The following PRIM2 variants were observed in gnomAD, a reference collection of about 807,000 sequenced individuals.
PRIM2 encodes DNA primase large subunit.
PRIM2 carries 39 observed loss-of-function variants against 67.3 expected under a neutral mutation model. The ratio of observed to expected loss-of-function variants is 0.58; its 90% CI spans 0.45 to 0.76. The LOEUF (loss-of-function observed/expected upper bound fraction) is 0.76, where lower values mean the gene tolerates loss of function less well. PRIM2 is among the 30% of genes least tolerant of loss of function. PRIM2 has a pLI of 0.00. For synonymous variants in PRIM2, 143 were observed against 198.7 expected (o/e 0.72, Z 2.36); for missense variants, 398 against 598.7 (o/e 0.66, Z 3.50).
chr6:57,234,488 T>G, the PRIM2 span, among the ~76,000 whole-genome samples: 1 of 152,206 alleles, frequency 6.6e-6, no homozygotes, highest in Admixed American at 6.5e-5. Flanking sequence ...AATAATAATT[T>G]TAGTAACTTG....
At chr6:57,282,425 C>G in the PRIM2 span, among the ~76,000 whole-genome samples, 1 of 152,222 alleles carries the variant, frequency 6.6e-6, no homozygotes, top group South Asian at 2.1e-4. Flanking sequence ...CTAAATGGTT[C>G]TACCCAGTAA....
chr6:57,300,063 T>C, the PRIM2 span, among the ~76,000 whole-genome samples: 1 of 152,212 alleles, frequency 6.6e-6, no homozygotes, highest in African/African-American at 2.4e-5. Context: ...GTGTTTACTC[T>C]ATACATCTAT....
intron 7 of PRIM2, among the ~76,000 whole-genome samples, chr6:57,500,806 G>T (rs1436867410): frequency 6.6e-6 from 1 of 152,170 alleles, no homozygotes; most frequent in Non-Finnish European, 1.5e-5. Flanking sequence ...AAGCAGGGAG[G>T]TTTGGTCTCT....
chr6:57,273,311 A>G, the PRIM2 span, among the ~76,000 whole-genome samples: 1 of 152,146 alleles, frequency 6.6e-6, no homozygotes, highest in Non-Finnish European at 1.5e-5. Context: ...TATTTCTTGG[A>G]GGCTTTGTTC....
In PRIM2 at chr6:57,518,559, T is replaced by C. The variant is rs1554348509; in HGVS notation, c.761+11105T>C. Among the ~76,000 whole-genome samples, 5 of 152,166 alleles carry C rather than the reference T, an allele frequency of 3.3e-5. No individual in the cohort carries two copies. In the South Asian group the frequency reaches 6.3e-4, roughly 19 times the overall value. On this transcript the variant is annotated intron_variant, in intron 8 of 13. Transcript: ENST00000615550. ...CTCAGTAAACACTTGAATGAATGAA[T>C]AAATGAATGAATGGATGAGTGAATT...
chr6:57,477,193 A>G (rs1267310683), intron 7 of PRIM2, among the ~76,000 whole-genome samples: 3 of 151,210 alleles, frequency 2.0e-5, no homozygotes, highest in Admixed American at 1.3e-4. Context: ...AGAGTCTCCT[A>G]TGTTGCCCAG....
intron 7 of PRIM2, among the ~76,000 whole-genome samples, chr6:57,456,062 T>C (rs1411823883): frequency 6.6e-6 from 1 of 152,158 alleles, no homozygotes; most frequent in African/African-American, 2.4e-5. Context: ...TTTGGCTGGA[T>C]ATGAAATTCT....
intron 7 of PRIM2, among the ~76,000 whole-genome samples, chr6:57,443,500 A>G (rs907397190): frequency 1.3e-5 from 2 of 152,176 alleles, no homozygotes; most frequent in African/African-American, 4.8e-5. Context: ...CCTAATAATT[A>G]GTGAAGTTGA....
At chr6:57,223,778 C>A in the PRIM2 span, among the ~76,000 whole-genome samples, 1,275 of 152,228 alleles carry the variant, frequency 8.4e-3, 10 homozygotes, top group Non-Finnish European at 0.014. Flanking sequence ...CAACTTCACA[C>A]TCATTAAAAT....
intron 7 of PRIM2, among the ~76,000 whole-genome samples, chr6:57,409,364 G>A (rs6900478): frequency 1.3e-5 from 2 of 151,852 alleles, no homozygotes; most frequent in Admixed American, 6.6e-5. Context: ...TTTAGTAGAG[G>A]CAGGGTTTCA....
At chr6:57,231,467 T>G in the PRIM2 span, among the ~76,000 whole-genome samples, 1 of 152,190 alleles carries the variant, frequency 6.6e-6, no homozygotes, top group Admixed American at 6.5e-5. Flanking sequence ...AGGGCTAAAT[T>G]TCTTTAATAT....
At chr6:57,274,524 G>C in the PRIM2 span, among the ~76,000 whole-genome samples, 1 of 152,234 alleles carries the variant, frequency 6.6e-6, no homozygotes, top group Non-Finnish European at 1.5e-5. Flanking sequence ...GGTGCTGTCT[G>C]TCACCCCTTT....
intron 7 of PRIM2, among the ~76,000 whole-genome samples, chr6:57,447,434 G>A (rs1223931826): frequency 6.6e-6 from 1 of 152,200 alleles, no homozygotes; most frequent in Non-Finnish European, 1.5e-5. Flanking sequence ...CTGGTGCAAA[G>A]CTAAGAGATG....
chr6:57,437,622 C>T (rs1277260523), intron 7 of PRIM2, among the ~76,000 whole-genome samples: 1 of 148,592 alleles, frequency 6.7e-6, no homozygotes, highest in African/African-American at 2.5e-5. Flanking sequence ...GAGAGATTAT[C>T]TGTACATTAA....
intron 5 of PRIM2, among the ~76,000 whole-genome samples, chr6:57,374,088 A>G (rs1769662856): frequency 6.6e-6 from 1 of 151,418 alleles, no homozygotes; most frequent in Non-Finnish European, 1.5e-5. Flanking sequence ...AGCATGGAAT[A>G]TTTTTCCATT....
chr6:57,487,321 C>G (rs1773777478), intron 7 of PRIM2, among the ~76,000 whole-genome samples: 1 of 152,178 alleles, frequency 6.6e-6, no homozygotes, highest in African/African-American at 2.4e-5. Flanking sequence ...CCCGGGCCTC[C>G]CAGGTTCAAG....
intron 10 of PRIM2, among the ~76,000 whole-genome samples, chr6:57,572,022 A>G (rs1404736090): frequency 1.3e-5 from 2 of 152,144 alleles, no homozygotes; most frequent in African/African-American, 4.8e-5. Context: ...ATGTTTCTCT[A>G]TATCTGTTTT....
At chr6:57,245,060 C>T in the PRIM2 span, among the ~76,000 whole-genome samples, 1 of 152,130 alleles carries the variant, frequency 6.6e-6, no homozygotes, top group African/African-American at 2.4e-5. Context: ...CCACGAGTCC[C>T]AGCACTGCCC....
chr6:57,253,035 A>G, the PRIM2 span, among the ~76,000 whole-genome samples: 2 of 152,218 alleles, frequency 1.3e-5, no homozygotes, highest in South Asian at 2.1e-4. Flanking sequence ...CCATGTTTAC[A>G]TTCCTGTGAC....
Sources: gnomAD v4.1 joint callset for allele counts (sites outside exome capture counted in the v4.1 genomes callset) on GRCh38, gnomAD v4.1.1 for gene constraint, MANE v1.5 for transcripts, NCBI Gene and HGNC (gene_info 2026-07-23, HGNC 2026-07-21) for gene names.